Variants in UBE3D observed in about 807,000 individuals in gnomAD.
UBE3D encodes the protein ubiquitin protein ligase E3D, also known as E3 ubiquitin-protein ligase E3D.
A neutral mutation model predicts 49.6 loss-of-function variants in UBE3D; 48 were observed. That is an observed-to-expected ratio of 0.97 (90% confidence interval 0.77 to 1.23). The LOEUF (loss-of-function observed/expected upper bound fraction) is 1.23, where lower values mean the gene tolerates loss of function less well. Ranked by LOEUF, UBE3D falls within the 50% of genes most tolerant of loss-of-function variation. UBE3D has a pLI of 0.00. For synonymous variants in UBE3D, 189 were observed against 174.2 expected (o/e 1.08, Z -0.67); for missense variants, 452 against 468.4 (o/e 0.96, Z 0.32).
chr6:82,923,432 C>G (rs376550101), intron 9 of UBE3D, among the ~76,000 whole-genome samples: 45 of 152,260 alleles, frequency 3.0e-4, no homozygotes, highest in African/African-American at 1.0e-3. Context: ...AGCTAGAAAC[C>G]ATCATTCTCA....
chr6:82,977,016 A>G (rs1777767579), intron 8 of UBE3D, among the ~76,000 whole-genome samples: 1 of 144,492 alleles, frequency 6.9e-6, no homozygotes, highest in Admixed American at 7.2e-5. Flanking sequence ...CGGGAGGCTG[A>G]GGCAGGAGAA....
chr6:82,935,989 A>G (rs1774542095), intron 9 of UBE3D, among the ~76,000 whole-genome samples: 1 of 152,094 alleles, frequency 6.6e-6, no homozygotes, highest in Admixed American at 6.6e-5. Flanking sequence ...AAAATAATGG[A>G]TTTTTGTGTT....
chr6:82,885,549 A>G, the UBE3D span, among the ~76,000 whole-genome samples: 1 of 152,226 alleles, frequency 6.6e-6, no homozygotes, highest in Non-Finnish European at 1.5e-5. Context: ...ATGAGCTTAA[A>G]TAACTTGCTC....
chr6:83,033,305 T>C (rs147083077), intron 5 of UBE3D, among the ~76,000 whole-genome samples: 6 of 152,308 alleles, frequency 3.9e-5, no homozygotes, highest in African/African-American at 1.4e-4. Context: ...ACCTCAAAAA[T>C]TGGAGATTAC....
At chr6:82,885,272 C>T in the UBE3D span, among the ~76,000 whole-genome samples, 2 of 152,144 alleles carry the variant, frequency 1.3e-5, no homozygotes, top group African/African-American at 4.8e-5. Flanking sequence ...TTCTTCTCCT[C>T]AACCTACCTT....
intron 1 of UBE3D, among the ~76,000 whole-genome samples, chr6:83,058,343 T>A (rs1173134082): frequency 6.6e-6 from 1 of 152,134 alleles, no homozygotes; most frequent in Non-Finnish European, 1.5e-5. Context: ...AAGATTTTAA[T>A]AAAGAGACCA....
intron 5 of UBE3D, among the ~76,000 whole-genome samples, chr6:83,025,737 G>T (rs1294996813): frequency 6.6e-6 from 1 of 151,930 alleles, no homozygotes; most frequent in Non-Finnish European, 1.5e-5. Flanking sequence ...ACAAAAATTA[G>T]CTGGGCGCAG....
intron 4 of UBE3D, 92 bp from the exon 5 acceptor site, chr6:83,038,577 C>G (rs1183630875): frequency 1.8e-6 from 2 of 1,127,958 alleles, no homozygotes; most frequent in African/African-American, 3.2e-5. Flanking sequence ...ATACATTGAA[C>G]TTTACATTTT....
intron 8 of UBE3D, among the ~76,000 whole-genome samples, chr6:82,959,720 A>C (rs1353808695): frequency 2.0e-5 from 2 of 99,012 alleles, no homozygotes; most frequent in African/African-American, 7.6e-5. Flanking sequence ...AGACCTCCAA[A>C]AAAAAAAAAA....
intron 1 of UBE3D, 66 bp from the exon 2 acceptor site, chr6:83,058,088 C>G: frequency 2.0e-6 from 3 of 1,501,908 alleles, no homozygotes; most frequent in Non-Finnish European, 2.7e-6. Flanking sequence ...ATGAAAGAAA[C>G]AAAAATGGCC....
intron 5 of UBE3D, among the ~76,000 whole-genome samples, chr6:83,031,981 C>G (rs947897000): frequency 6.6e-6 from 1 of 152,170 alleles, no homozygotes; most frequent in Non-Finnish European, 1.5e-5. Flanking sequence ...TGTATGGAAA[C>G]GCCTGGATGT....
At chr6:83,027,097 G>A (rs1781514637) in intron 5 of UBE3D, among the ~76,000 whole-genome samples, 1 of 151,804 alleles carries the variant, frequency 6.6e-6, no homozygotes, top group South Asian at 2.1e-4. Flanking sequence ...TCTTCTATGT[G>A]GGATCATTTT....
At chr6:83,019,385 A>G (rs187981614) in intron 7 of UBE3D, among the ~76,000 whole-genome samples, 1 of 152,240 alleles carries the variant, frequency 6.6e-6, no homozygotes, top group African/African-American at 2.4e-5. Flanking sequence ...GTTATTATCC[A>G]TAATATACAG....
At chr6:83,029,441 A>C (rs1781711172) in intron 5 of UBE3D, among the ~76,000 whole-genome samples, 3 of 152,154 alleles carry the variant, frequency 2.0e-5, no homozygotes, top group South Asian at 2.1e-4. Flanking sequence ...TAGAATTACC[A>C]AATTATTTTT....
intron 9 of UBE3D, among the ~76,000 whole-genome samples, chr6:82,899,125 G>T (rs1771544765): frequency 6.6e-6 from 1 of 152,126 alleles, no homozygotes; most frequent in South Asian, 2.1e-4. Flanking sequence ...GAAGCAAAGA[G>T]AGCCATAAAC....
chr6:82,988,801 T>G (rs1471839620), intron 8 of UBE3D, among the ~76,000 whole-genome samples: 1 of 151,820 alleles, frequency 6.6e-6, no homozygotes, highest in East Asian at 1.9e-4. Context: ...TTAGCATAGT[T>G]GAACCTAAGG....
chr6:83,050,635 C>T (rs374925056), intron 3 of UBE3D, among the ~76,000 whole-genome samples: 4 of 152,154 alleles, frequency 2.6e-5, no homozygotes, highest in African/African-American at 7.2e-5. Context: ...TTAATGAGCA[C>T]AAAGTTGTCC....
intron 9 of UBE3D, among the ~76,000 whole-genome samples, chr6:82,936,237 T>C (rs1476308177): frequency 6.6e-6 from 1 of 152,196 alleles, no homozygotes; most frequent in Non-Finnish European, 1.5e-5. Flanking sequence ...AAATGTAATA[T>C]AAACAGATTT....
chr6:83,024,346 G>T (rs537794751), intron 5 of UBE3D, among the ~76,000 whole-genome samples: 1 of 152,068 alleles, frequency 6.6e-6, no homozygotes, highest in Non-Finnish European at 1.5e-5. Flanking sequence ...TTAGTCACTG[G>T]GTTTCCTCAA....
Sources: gnomAD v4.1 joint callset for allele counts (sites outside exome capture counted in the v4.1 genomes callset) on GRCh38, gnomAD v4.1.1 for gene constraint, MANE v1.5 for transcripts, NCBI Gene and HGNC (gene_info 2026-07-23, HGNC 2026-07-21) for gene names.